Variants in MYRIP observed in about 807,000 individuals in gnomAD.
MYRIP encodes rab effector MyRIP.
A neutral mutation model predicts 98.0 loss-of-function variants in MYRIP; 49 were observed. The ratio of observed to expected loss-of-function variants is 0.50; its 90% CI spans 0.40 to 0.63. The LOEUF is 0.63. MYRIP is among the 30% of genes least tolerant of loss of function. The pLI is 0.00. For missense variants in MYRIP, 1,004 were observed against 1,058.2 expected (o/e 0.95, Z 0.71); for synonymous variants, 404 against 409.5 (o/e 0.99, Z 0.16).
chr3:40,219,722 T>G (rs1258109973), intron 11 of MYRIP, among the ~76,000 whole-genome samples: 1 of 152,204 alleles, frequency 6.6e-6, no homozygotes, highest in African/African-American at 2.4e-5. Flanking sequence ...ATTTTCTTAA[T>G]CCAGTCTATC....
At chr3:40,142,474 A>AT (rs962090072) in intron 3 of MYRIP, among the ~76,000 whole-genome samples, 3 of 151,412 alleles carry the variant, frequency 2.0e-5, no homozygotes, top group African/African-American at 4.8e-5. Context: ...TAACTTGGAA[A>AT]TTTTTTTTTA....
At chr3:39,995,285 T>C (rs148460319) in intron 2 of MYRIP, among the ~76,000 whole-genome samples, 6,255 of 152,186 alleles carry the variant, frequency 0.041, 199 homozygotes, top group East Asian at 0.17. Flanking sequence ...GTTAAAAACC[T>C]TGAAAAAAAA....
intron 2 of MYRIP, among the ~76,000 whole-genome samples, chr3:40,017,263 C>T (rs976201783): frequency 6.6e-6 from 1 of 152,152 alleles, no homozygotes; most frequent in African/African-American, 2.4e-5. Context: ...CTAGATGTGC[C>T]CTCAGAATTC....
At chr3:39,970,741 A>G (rs1575424251) in intron 2 of MYRIP, among the ~76,000 whole-genome samples, 1 of 152,124 alleles carries the variant, frequency 6.6e-6, no homozygotes, top group Admixed American at 6.6e-5. Context: ...ATTCCATAAA[A>G]ATTGTATTAG....
intron 3 of MYRIP, among the ~76,000 whole-genome samples, chr3:40,052,640 C>T (rs1947815055): frequency 6.6e-6 from 1 of 152,122 alleles, no homozygotes; most frequent in East Asian, 1.9e-4. Context: ...TATCCAAGCA[C>T]TCTTTTTCCC....
intron 1 of MYRIP, among the ~76,000 whole-genome samples, chr3:39,856,602 C>G (rs1049741291): frequency 6.6e-6 from 1 of 152,194 alleles, no homozygotes; most frequent in South Asian, 2.1e-4. Flanking sequence ...CAGAGCCCAA[C>G]CAGCGGAGCT....
chr3:39,844,960 C>T lies in MYRIP; in HGVS notation c.-31+35044C>T, dbSNP rs542590167. Reference sequence around the variant, plus strand: ...CTCAGCCTTTTCTTGCTTCAGGCCCCACTCAAAACTGGTTGCCTTACAGTT... The same window carrying T: ...CTCAGCCTTTTCTTGCTTCAGGCCCTACTCAAAACTGGTTGCCTTACAGTT... On this transcript the variant is annotated intron_variant, in intron 1 of 16. Coordinates refer to ENST00000302541, the MANE Select transcript of MYRIP (RefSeq NM_015460.4). Among the ~76,000 whole-genome samples the T allele has an allele frequency of 5.9e-5, 9 of 152,310 alleles. No individual in the cohort carries two copies. In the South Asian group the frequency reaches 1.7e-3, roughly 28 times the overall value.
chr3:40,033,199 A>G (rs1048801003), intron 2 of MYRIP, among the ~76,000 whole-genome samples: 1 of 144,980 alleles, frequency 6.9e-6, no homozygotes, highest in African/African-American at 2.5e-5. Context: ...TATTCAACAT[A>G]GTGTTGGAAG....
chr3:39,909,857 C>A (rs779609893), intron 2 of MYRIP, among the ~76,000 whole-genome samples: 1 of 151,386 alleles, frequency 6.6e-6, no homozygotes, highest in Non-Finnish European at 1.5e-5. Flanking sequence ...TCCCTTTATC[C>A]CAACAATCCT....
chr3:40,096,556 C>A (rs1301599681), intron 3 of MYRIP, among the ~76,000 whole-genome samples: 1 of 152,182 alleles, frequency 6.6e-6, no homozygotes, highest in Non-Finnish European at 1.5e-5. Flanking sequence ...TAAAAGATCA[C>A]TTTTAATGGG....
At chr3:40,251,580 G>A (rs553837397) in intron 15 of MYRIP, among the ~76,000 whole-genome samples, 1 of 152,300 alleles carries the variant, frequency 6.6e-6, no homozygotes, top group South Asian at 2.1e-4. Context: ...CTCCAAAGTT[G>A]TAAAAATTTG....
At chr3:40,006,781 A>G (rs1328655203) in intron 2 of MYRIP, among the ~76,000 whole-genome samples, 1 of 152,242 alleles carries the variant, frequency 6.6e-6, no homozygotes, top group Non-Finnish European at 1.5e-5. Context: ...CTGTTAAGAC[A>G]CAAAGTTGTT....
At chr3:40,181,138 T>A (rs1398656101) in intron 8 of MYRIP, among the ~76,000 whole-genome samples, 1 of 152,110 alleles carries the variant, frequency 6.6e-6, no homozygotes, top group Non-Finnish European at 1.5e-5. Flanking sequence ...TATCATACAG[T>A]TTACTGTGAG....
At chr3:40,038,070 A>G (rs1453627864) in intron 2 of MYRIP, among the ~76,000 whole-genome samples, 2 of 152,168 alleles carry the variant, frequency 1.3e-5, no homozygotes, top group East Asian at 3.9e-4. Flanking sequence ...CTATGAAGCT[A>G]TAATGAAAGT....
rs1279892716 is a variant in MYRIP, at chr3:40,209,928, G to C, written c.1740G>C (p.Glu580Asp). The C allele has an allele frequency of 1.2e-6, 2 of 1,613,864 alleles. No individual in the cohort carries two copies. Among genetic ancestry groups the C allele is most frequent in the Non-Finnish European group, 1.7e-6 (2 of 1,179,818 alleles). Residue 580 changes from glutamate (E) to aspartate (D), a missense_variant, in exon 11 of 17, where the codon GAG becomes GAC. By Grantham distance (45) the Glu-to-Asp change is conservative. This residue lies in a region of MYRIP where 880 missense variants were observed against 907.7 expected (regional missense o/e 0.97). Transcript: ENST00000302541. ...CCCAGACTCTCACAGACACCACAGA[G>C]GAGAAACGGAGAAACAGGCTGTACG... ...RDPQTLTDTT[E>D]EKRRNRLYEL...
At chr3:40,025,051 G>A (rs923803769) in intron 2 of MYRIP, among the ~76,000 whole-genome samples, 8 of 152,252 alleles carry the variant, frequency 5.3e-5, no homozygotes, top group African/African-American at 1.9e-4. Flanking sequence ...AAGACTGAGT[G>A]GCTCATAGCT....
At position 39,885,437 on chromosome 3, in the gene MYRIP, C is replaced by T. The variant is rs534920305; in HGVS notation, c.-30-15350C>T. Among the ~76,000 whole-genome samples, 177 of 152,108 alleles carry T rather than the reference C, an allele frequency of 1.2e-3. 2 individuals are homozygous for T. The South Asian group carries it at 0.036, about 31-fold the overall frequency. Reference sequence around the variant, plus strand: ...CTCTGGCTGCCCTTAACATTTTTTCCTTCATTTCAACTTTGGTGAATCTGA... The same window carrying T: ...CTCTGGCTGCCCTTAACATTTTTTCTTTCATTTCAACTTTGGTGAATCTGA... On this transcript the variant is annotated intron_variant, in intron 1 of 16. Coordinates refer to ENST00000302541, the MANE Select transcript of MYRIP (RefSeq NM_015460.4).
At chr3:39,960,480 A>G (rs544722828) in intron 2 of MYRIP, among the ~76,000 whole-genome samples, 16 of 149,912 alleles carry the variant, frequency 1.1e-4, no homozygotes, top group South Asian at 6.2e-4. Flanking sequence ...TTCCCTAATC[A>G]TGGGGGAAAA....
intron 1 of MYRIP, among the ~76,000 whole-genome samples, chr3:39,819,344 A>G (rs963381391): frequency 6.6e-6 from 1 of 152,008 alleles, no homozygotes; most frequent in East Asian, 1.9e-4. Context: ...GCAAAACTCC[A>G]TCTTAAAAAA....
Sources: allele counts gnomAD v4.1 joint callset (sites outside exome capture counted in the v4.1 genomes callset), GRCh38; gene constraint gnomAD v4.1.1; regional missense constraint gnomAD v4.1.1; transcripts MANE v1.5; gene names NCBI Gene and HGNC (gene_info 2026-07-23, HGNC 2026-07-21).